Variants in TYW1B observed in about 807,000 individuals in gnomAD.
TYW1B encodes S-adenosyl-L-methionine-dependent tRNA 4-demethylwyosine synthase TYW1B.
In TYW1B, 73 loss-of-function variants were observed where a neutral mutation model predicts 86.9. The ratio of observed to expected loss-of-function variants is 0.84; its 90% CI spans 0.70 to 1.02. TYW1B has a LOEUF of 1.02. TYW1B is among the 50% of genes least tolerant of loss of function. The probability of loss-of-function intolerance (pLI) is 0.00; values close to 1 mark genes in which losing one functional copy is unlikely to be tolerated. For missense variants in TYW1B, 637 were observed against 827.4 expected (o/e 0.77, Z 2.82); for synonymous variants, 248 against 292.8 (o/e 0.85, Z 1.56).
intron 9 of TYW1B, among the ~76,000 whole-genome samples, chr7:72,727,857 C>CT (rs1256690667): frequency 6.7e-6 from 1 of 149,798 alleles, no homozygotes; most frequent in Admixed American, 6.7e-5. Context: ...AAAGCATACT[C>CT]TTGCGCTTAC....
At chr7:72,827,545 G>A (rs533915096) in intron 1 of TYW1B, among the ~76,000 whole-genome samples, 1 of 152,236 alleles carries the variant, frequency 6.6e-6, no homozygotes, top group African/African-American at 2.4e-5. Flanking sequence ...TGAGCATTTA[G>A]AAGCAAGAGA....
chr7:72,777,383 A>G (rs1787974446), intron 7 of TYW1B, 33 bp downstream of exon 7: 1 of 1,611,454 alleles, frequency 6.2e-7, no homozygotes, highest in Non-Finnish European at 8.5e-7. Context: ...CTAAGACTAT[A>G]GTCATATAAC....
At chr7:72,589,614 C>T (rs34394534) in intron 13 of TYW1B, among the ~76,000 whole-genome samples, 3 of 152,172 alleles carry the variant, frequency 2.0e-5, no homozygotes, top group East Asian at 1.9e-4. Context: ...TGGTGGCTCA[C>T]GCCTGTAATC....
At chr7:72,661,546 T>C (rs1268399975) in intron 11 of TYW1B, among the ~76,000 whole-genome samples, 1 of 147,840 alleles carries the variant, frequency 6.8e-6, no homozygotes, top group Non-Finnish European at 1.5e-5. Context: ...ATTCATTGAA[T>C]AGTACTCATT....
chr7:72,601,421 G>A (rs1811663279), intron 13 of TYW1B, among the ~76,000 whole-genome samples: 2 of 151,706 alleles, frequency 1.3e-5, no homozygotes, highest in Admixed American at 1.3e-4. Flanking sequence ...ATTCATCAAT[G>A]GTGGGAATGC....
chr7:72,606,451 C>T (rs547913898), intron 13 of TYW1B, among the ~76,000 whole-genome samples: 3 of 152,174 alleles, frequency 2.0e-5, no homozygotes, highest in African/African-American at 4.8e-5. Context: ...TGCCCTCCTC[C>T]TCCCCTCCAG....
At chr7:72,625,895 GC>G (rs1812333840) in intron 12 of TYW1B, among the ~76,000 whole-genome samples, 2 of 100,626 alleles carry the variant, frequency 2.0e-5, no homozygotes, top group African/African-American at 7.6e-5. Flanking sequence ...GAGAGGTGGG[GC>G]GGGGGGGGGG....
At chr7:72,649,912 CAG>C (rs1422521490) in intron 11 of TYW1B, among the ~76,000 whole-genome samples, 3 of 151,974 alleles carry the variant, frequency 2.0e-5, no homozygotes, top group African/African-American at 7.2e-5. Flanking sequence ...TTTTTTGAGA[CAG>C]AGTCTTGCTC....
At chr7:72,722,812 C>T in intron 9 of TYW1B, 1 of 470,202 alleles carries the variant, frequency 2.1e-6, no homozygotes, top group Non-Finnish European at 3.8e-6. Flanking sequence ...CGTTCTTTGT[C>T]ATGGGGTGGG....
At chr7:72,640,880 G>C (rs781958069) in intron 11 of TYW1B, among the ~76,000 whole-genome samples, 6 of 151,976 alleles carry the variant, frequency 3.9e-5, no homozygotes, top group Non-Finnish European at 8.8e-5. Context: ...AGCAAAAGAA[G>C]AGTAAATTAA....
intron 9 of TYW1B, among the ~76,000 whole-genome samples, chr7:72,719,160 T>C (rs1242793888): frequency 6.6e-6 from 1 of 152,024 alleles, no homozygotes; most frequent in Non-Finnish European, 1.5e-5. Context: ...TATTATTTTT[T>C]TTTTTTTAGA....
chr7:72,688,524 T>C (rs568711389), intron 11 of TYW1B, among the ~76,000 whole-genome samples: 167 of 152,344 alleles, frequency 1.1e-3, no homozygotes, highest in African/African-American at 3.8e-3. Flanking sequence ...TTGAGTTGCA[T>C]GGAATTGAAC....
intron 13 of TYW1B, among the ~76,000 whole-genome samples, chr7:72,579,488 A>G (rs1811099772): frequency 6.6e-6 from 1 of 152,204 alleles, no homozygotes; most frequent in African/African-American, 2.4e-5. Context: ...CTTTTCTCAC[A>G]GTTCTGGAGG....
At chr7:72,716,328 T>C (rs2129570769) in intron 9 of TYW1B, among the ~76,000 whole-genome samples, 1 of 152,358 alleles carries the variant, frequency 6.6e-6, no homozygotes, top group South Asian at 2.1e-4. Context: ...ATAATGCATG[T>C]AAAGGCCTTA....
Position 72,810,584 on chromosome 7 carries a change from T to C in TYW1B, c.319A>G (p.Lys107Glu). 1 of 1,613,958 alleles carries C rather than the reference T, an allele frequency of 6.2e-7. No individual in the cohort carries two copies. The change falls in exon 4 of 14, where the codon AAA becomes GAA. Residue 107 changes from lysine to glutamate, a missense_variant. Lys to Glu is a moderately conservative substitution (Grantham distance 56, BLOSUM62 1). Coordinates refer to ENST00000620995, the MANE Select transcript of TYW1B (RefSeq NM_001145440.3). ...TCAATGGATGCTTCCTCTAACCATTTGCAGAACCACTCTGCACTTTCGGTT... is the reference window on the plus strand; with the variant it reads ...TCAATGGATGCTTCCTCTAACCATTCGCAGAACCACTCTGCACTTTCGGTT... ...LPTESAEWFC[K>E]WLEEASIDFR... is the part of the protein sequence containing the mutation.
chr7:72,772,607 A>C (rs1787887291), intron 7 of TYW1B, among the ~76,000 whole-genome samples: 1 of 152,132 alleles, frequency 6.6e-6, no homozygotes, highest in African/African-American at 2.4e-5. Flanking sequence ...GGAAAAAGCC[A>C]GGCCAAAGTA....
At chr7:72,703,896 G>T (rs1312177743) in intron 10 of TYW1B, among the ~76,000 whole-genome samples, 2 of 151,394 alleles carry the variant, frequency 1.3e-5, no homozygotes, top group African/African-American at 4.9e-5. Flanking sequence ...GAAAAAATCT[G>T]TATTCCAAAG....
At chr7:72,745,488 G>T (rs149477420) in intron 7 of TYW1B, among the ~76,000 whole-genome samples, 3 of 152,206 alleles carry the variant, frequency 2.0e-5, no homozygotes, top group East Asian at 3.9e-4. Flanking sequence ...GTAATCTAAA[G>T]AAATATCTAG....
At chr7:72,798,249 G>T (rs1320489765) in intron 6 of TYW1B, among the ~76,000 whole-genome samples, 1 of 152,000 alleles carries the variant, frequency 6.6e-6, no homozygotes, top group Non-Finnish European at 1.5e-5. Flanking sequence ...AAATTAGCTG[G>T]GTGCAGTGGC....
Sources: gnomAD v4.1 joint callset for allele counts (sites outside exome capture counted in the v4.1 genomes callset) on GRCh38, gnomAD v4.1.1 for gene constraint, MANE v1.5 for transcripts, NCBI Gene and HGNC (gene_info 2026-07-23, HGNC 2026-07-21) for gene names.